The following JPH3 variants were observed in gnomAD, a reference collection of about 807,000 sequenced individuals.
JPH3 encodes junctophilin 3.
JPH3 carries 11 observed loss-of-function variants against 59.6 expected under a neutral mutation model. The observed-to-expected ratio is 0.18, with a 90% CI of 0.12 to 0.31. The LOEUF (loss-of-function observed/expected upper bound fraction) is 0.31. Among genes scored for constraint, JPH3 ranks in the 10% least tolerant of loss-of-function variants. The pLI is 1.00. For missense variants in JPH3, 1,202 were observed against 1,105.7 expected (o/e 1.09, Z -1.24); for synonymous variants, 673 against 483.6 (o/e 1.39, Z -5.14).
intron 2 of JPH3, among the ~76,000 whole-genome samples, chr16:87,662,250 C>T (rs2032728605): frequency 6.6e-6 from 1 of 152,150 alleles, no homozygotes; most frequent in Admixed American, 6.5e-5. Flanking sequence ...GAGATAGCAG[C>T]CCCTCTGCCT....
chr16:87,606,712 A>G (rs188782648), intron 1 of JPH3, among the ~76,000 whole-genome samples: 20 of 152,306 alleles, frequency 1.3e-4, no homozygotes, highest in Non-Finnish European at 2.5e-4. Context: ...GTAAGCATAC[A>G]TTATTATTTA....
At chr16:87,663,262 C>T (rs988804054) in intron 2 of JPH3, among the ~76,000 whole-genome samples, 15 of 152,232 alleles carry the variant, frequency 9.9e-5, no homozygotes, top group African/African-American at 3.4e-4. Flanking sequence ...GCCTGTGCCA[C>T]GTGTCCAGCT....
intron 1 of JPH3, among the ~76,000 whole-genome samples, chr16:87,606,682 G>A (rs547418766): frequency 6.6e-6 from 1 of 152,288 alleles, no homozygotes; most frequent in African/African-American, 2.4e-5. Context: ...AATGGTGTGC[G>A]TGGCTATGCC....
chr16:87,685,293 C>T (rs1030358006), intron 3 of JPH3, among the ~76,000 whole-genome samples: 1 of 152,356 alleles, frequency 6.6e-6, no homozygotes, highest in East Asian at 1.9e-4. Flanking sequence ...GACGAGCCCC[C>T]GCACCCCCAC....
At chr16:87,695,074 T>G in intron 4 of JPH3, 1 of 337,784 alleles carries the variant, frequency 3.0e-6, no homozygotes, top group Non-Finnish European at 5.8e-6. Flanking sequence ...GGCCTGGGAG[T>G]GGAACTGCTG....
Position 87,621,956 on chromosome 16 carries a change from G to T in JPH3, c.382+18428G>T, listed in dbSNP as rs977105451. Among the ~76,000 whole-genome samples the T allele has an allele frequency of 9.2e-5, 14 of 152,346 alleles. No individual in the cohort carries two copies. In the South Asian group the frequency reaches 2.5e-3, roughly 27 times the overall value. On this transcript the variant is annotated intron_variant, in intron 1 of 4. Transcript: ENST00000284262. ...CCTTAGTCGAGAGGGGGGATGGTTG[G>T]TGATCGTGGGTGGCACAGTGACCTG... is the stretch of plus-strand genomic sequence containing the variant.
rs1597257181 is a variant in JPH3, at chr16:87,644,386, C to G, written c.511C>G (p.His171Asp). 6.2e-7 allele frequency: 1 copy of G among 1,612,810 alleles called. No homozygotes were observed. Among genetic ancestry groups the G allele is most frequent in the Non-Finnish European group, 8.5e-7 (1 of 1,179,852 alleles). ...RTSINSLRSE[H>D]TNGTALHPDA... ...GTCCATCAACTCCCTGCGCAGCGAGCACACCAACGGCACGGCGCTGCATCC... is the reference window on the plus strand; with the variant it reads ...GTCCATCAACTCCCTGCGCAGCGAGGACACCAACGGCACGGCGCTGCATCC... Residue 171 changes from histidine to aspartate, a missense_variant, in exon 2 of 5, where the codon CAC (histidine) becomes GAC (aspartate). By Grantham distance (81) the His-to-Asp change is moderately conservative (BLOSUM62 -1). Transcript: ENST00000284262.
chr16:87,640,108 C>T (rs916524611), intron 1 of JPH3, among the ~76,000 whole-genome samples: 2 of 152,138 alleles, frequency 1.3e-5, no homozygotes, highest in South Asian at 2.1e-4. Flanking sequence ...GTGGGCGGAT[C>T]ATGAGGTCCA....
At chr16:87,666,568 A>G (rs928184348) in intron 2 of JPH3, among the ~76,000 whole-genome samples, 2 of 151,030 alleles carry the variant, frequency 1.3e-5, no homozygotes, top group African/African-American at 4.9e-5. Context: ...ATTTTCTTTA[A>G]AATTTTTTTG....
intron 1 of JPH3, among the ~76,000 whole-genome samples, chr16:87,640,655 AGTGCTGGGATTACAAG>A (rs1356045138): frequency 6.6e-6 from 1 of 152,092 alleles, no homozygotes; most frequent in East Asian, 1.9e-4. Context: ...GGCCTCCCAA[AGTGCTGGGATTACAAG>A]CATGAGCCAC....
chr16:87,608,904 G>T (rs755201631), intron 1 of JPH3, among the ~76,000 whole-genome samples: 2 of 152,218 alleles, frequency 1.3e-5, no homozygotes, highest in African/African-American at 4.8e-5. Context: ...CAGGTGTGGT[G>T]CTGCACGCCT....
intron 3 of JPH3, among the ~76,000 whole-genome samples, chr16:87,685,880 G>A (rs527568001): frequency 3.2e-4 from 49 of 152,318 alleles, no homozygotes; most frequent in African/African-American, 1.0e-3. Context: ...CGCATCCACC[G>A]GAAGCTCCCA....
intron 1 of JPH3, among the ~76,000 whole-genome samples, chr16:87,614,884 G>A (rs1385179980): frequency 1.6e-5 from 2 of 124,850 alleles, no homozygotes; most frequent in Non-Finnish European, 3.3e-5. Flanking sequence ...GAGGAGCCGC[G>A]CGTCCCCTCC....
rs764675528 is a variant in JPH3 at position 87,604,324 on chromosome 16, C to CTGCTGA, written c.382+801_382+802insATGCTG. On this transcript the variant is annotated intron_variant, in intron 1 of 4. Transcript: ENST00000284262. Reference sequence around the variant, plus strand: ...GCTGCTGCTGCTGCTGCTGCTGCTGCTGCTGTAAGATGGTTTCTGTGCAGG... The same window carrying CTGCTGA: ...GCTGCTGCTGCTGCTGCTGCTGCTGCTGCTGATGCTGTAAGATGGTTTCTGTGCAGG... The CTGCTGA allele has an allele frequency of 3.2e-5, 47 of 1,466,000 alleles. No individual in the cohort carries two copies. In the African/African-American group the frequency reaches 5.4e-4, roughly 17 times the overall value. The allele number at this position is 1,466,000 out of a possible 1,614,324, so 90.8% of individuals were successfully genotyped here. A position where few individuals can be genotyped will look rare whatever the true frequency, so the allele number is the denominator to read the frequency against.
intron 2 of JPH3, among the ~76,000 whole-genome samples, chr16:87,650,999 G>A (rs1054513861): frequency 1.3e-5 from 2 of 152,230 alleles, no homozygotes; most frequent in African/African-American, 4.8e-5. Context: ...AGAAGCTAAT[G>A]GCTGGATTTG....
chr16:87,686,785 A>G (rs898503432), intron 3 of JPH3, among the ~76,000 whole-genome samples: 3 of 152,196 alleles, frequency 2.0e-5, no homozygotes, highest in Non-Finnish European at 4.4e-5. Flanking sequence ...TTAAGTCCTG[A>G]AGCTGCCTCC....
intron 1 of JPH3, among the ~76,000 whole-genome samples, chr16:87,614,550 C>G (rs543603794): frequency 1.3e-5 from 2 of 151,422 alleles, no homozygotes; most frequent in Admixed American, 6.6e-5. Flanking sequence ...GTGTCCTTTC[C>G]CAGGATAAAG....
At chr16:87,643,520 G>C (rs2032025855) in intron 1 of JPH3, among the ~76,000 whole-genome samples, 2 of 152,218 alleles carry the variant, frequency 1.3e-5, no homozygotes, top group Non-Finnish European at 2.9e-5. Context: ...GCAATGGGGA[G>C]CTCACTGTCT....
chr16:87,679,058 C>T (rs2150871503), intron 2 of JPH3, among the ~76,000 whole-genome samples: 1 of 152,316 alleles, frequency 6.6e-6, no homozygotes, highest in East Asian at 1.9e-4. Flanking sequence ...ACCTCAAATC[C>T]TCCCCATCTT....
Sources: allele counts gnomAD v4.1 joint callset (sites outside exome capture counted in the v4.1 genomes callset), GRCh38; gene constraint gnomAD v4.1.1; transcripts MANE v1.5; gene names NCBI Gene and HGNC (gene_info 2026-07-23, HGNC 2026-07-21).